The following GARNL3 variants were observed in gnomAD, a reference collection of about 807,000 sequenced individuals.
GARNL3 encodes the protein GTPase-activating Rap/Ran-GAP domain-like protein 3.
Under a neutral mutation model 125.0 loss-of-function variants are expected in GARNL3, and 63 were observed. The observed-to-expected ratio is 0.50, with a 90% CI of 0.41 to 0.62. GARNL3 has a LOEUF of 0.62. Ranked by LOEUF, GARNL3 falls within the 20% of genes least tolerant of loss-of-function variation. The pLI is 0.00. For synonymous variants in GARNL3, 439 were observed against 457.5 expected (o/e 0.96, Z 0.52); for missense variants, 994 against 1,244.0 (o/e 0.80, Z 3.02).
chr9:127,255,396 A>G (rs780759556), intron 2 of GARNL3, among the ~76,000 whole-genome samples: 3 of 152,228 alleles, frequency 2.0e-5, no homozygotes, highest in Non-Finnish European at 2.9e-5. Context: ...TATGCATGGT[A>G]TAGTATTTAC....
intron 13 of GARNL3, among the ~76,000 whole-genome samples, 185 bp from the exon 14 acceptor site, chr9:127,342,034 T>G (rs565740481): frequency 9.2e-5 from 14 of 152,030 alleles, no homozygotes; most frequent in Non-Finnish European, 1.9e-4. Context: ...CTTGACCTTT[T>G]CCTTTTCAGC....
Position 127,346,687 on chromosome 9 carries a change from C to T in GARNL3, c.1431+1210C>T, listed in dbSNP as rs140881160. On this transcript the variant is annotated intron_variant, in intron 16 of 27. Coordinates refer to ENST00000373387, the MANE Select transcript of GARNL3 (RefSeq NM_032293.5). Reference sequence around the variant, plus strand: ...TTGAGGTCAGTACTTATAACCCACCCGCAGGCCGTAGACCACCTCAGAGAA... The same window carrying T: ...TTGAGGTCAGTACTTATAACCCACCTGCAGGCCGTAGACCACCTCAGAGAA... Among the ~76,000 whole-genome samples the T allele has an allele frequency of 4.6e-5, 7 of 152,250 alleles. No individual in the cohort carries two copies. In the East Asian group the frequency reaches 1.4e-3, roughly 29 times the overall value.
chr9:127,311,557 T>C (rs1471417994), intron 2 of GARNL3, 79 bp from the exon 3 acceptor site: 1 of 971,246 alleles, frequency 1.0e-6, no homozygotes, highest in African/African-American at 1.6e-5. Flanking sequence ...TTTCTGGTTC[T>C]TTGGCCGCTG....
At chr9:127,278,255 AATTAAATTTGT>A (rs2064009606) in intron 1 of GARNL3, among the ~76,000 whole-genome samples, 1 of 152,260 alleles carries the variant, frequency 6.6e-6, no homozygotes, top group South Asian at 2.1e-4. Flanking sequence ...TCGATTTAGT[AATTAAATTTGT>A]ATACAAAATG....
intron 2 of GARNL3, among the ~76,000 whole-genome samples, chr9:127,306,776 A>C (rs1009098526): frequency 1.3e-5 from 2 of 150,960 alleles, no homozygotes; most frequent in Non-Finnish European, 3.0e-5. Flanking sequence ...AATCCTATCT[A>C]CTCGGGAGGC....
At chr9:127,300,803 A>G in intron 2 of GARNL3, 1 of 383,534 alleles carries the variant, frequency 2.6e-6, no homozygotes. Context: ...CATTTGGAAA[A>G]TTCTTCTCTA....
intron 2 of GARNL3, among the ~76,000 whole-genome samples, chr9:127,291,826 T>C (rs917917284): frequency 1.3e-5 from 2 of 151,648 alleles, no homozygotes; most frequent in African/African-American, 4.8e-5. Context: ...GCCTTTTTCT[T>C]CTTTGCTGCC....
chr9:127,360,795 C>T (rs1002594462), intron 21 of GARNL3, among the ~76,000 whole-genome samples: 8 of 152,210 alleles, frequency 5.3e-5, no homozygotes, highest in Admixed American at 3.3e-4. Context: ...TAGCCAGGAC[C>T]ACTTGATACC....
At chr9:127,366,627 C>T (rs1831300809) in intron 22 of GARNL3, 1 of 152,030 alleles carries the variant, frequency 6.6e-6, no homozygotes, top group South Asian at 2.1e-4. Context: ...ATCCTTTAAC[C>T]GTGTGAAAGG....
At chr9:127,358,514 G>T (rs1381996968) in intron 21 of GARNL3, among the ~76,000 whole-genome samples, 1 of 151,830 alleles carries the variant, frequency 6.6e-6, no homozygotes, top group African/African-American at 2.4e-5. Flanking sequence ...TGTATTAATT[G>T]TAAATATGCT....
rs1564204893 is a variant in GARNL3, at chr9:127,389,058, C to T, written c.2682C>T (p.Ser894=). 11 of 1,614,074 alleles carry T rather than the reference C, an allele frequency of 6.8e-6. No homozygotes were observed. Among genetic ancestry groups the T allele is most frequent in the Non-Finnish European group, 8.5e-6 (10 of 1,180,018 alleles). ...VGLAAIPVTH[S]LSLSRMEIKE... ...TTGCTGCCATTCCAGTCACGCACTC[C>T]TTGTCCCTGTCTCGCATGGAGATCA... The change falls in exon 26 of 28, where the codon TCC becomes TCT. Residue 894 remains serine, a synonymous_variant. Coordinates refer to ENST00000373387, the MANE Select transcript of GARNL3 (RefSeq NM_032293.5).
intron 2 of GARNL3, among the ~76,000 whole-genome samples, chr9:127,292,147 C>T (rs1406376730): frequency 6.6e-6 from 1 of 152,180 alleles, no homozygotes; most frequent in African/African-American, 2.4e-5. Flanking sequence ...CTTGAAAGCC[C>T]ATGACATTTG....
At chr9:127,262,685 G>A (rs1223000178), upstream of GARNL3, among the ~76,000 whole-genome samples, 1 of 152,258 alleles carries the variant, frequency 6.6e-6, no homozygotes, top group Non-Finnish European at 1.5e-5. Context: ...TAGTGGGGGT[G>A]GCAGTGGGCA....
chr9:127,311,719 A>G lies in GARNL3; in HGVS notation c.303A>G (p.Lys101=). Residue 101 remains lysine (K), a synonymous_variant, in exon 3 of 28, where the codon AAA becomes AAG. Transcript: ENST00000373387. ...NPEYHTRWYF[K]YFLGQVHQNY... ...AATACCACACCAGATGGTATTTCAA[A>G]TATTTTTTAGGACAAGGTAATTATG... 6.2e-7 allele frequency: 1 copy of G among 1,609,720 alleles called. No individual in the cohort carries two copies. Among genetic ancestry groups the G allele is most frequent in the Non-Finnish European group, 8.5e-7 (1 of 1,175,962 alleles).
chr9:127,340,864 C>T (rs979665696), intron 13 of GARNL3, among the ~76,000 whole-genome samples: 1 of 152,026 alleles, frequency 6.6e-6, no homozygotes, highest in African/African-American at 2.4e-5. Context: ...TTCACAGTCC[C>T]AAACATGACT....
intron 2 of GARNL3, among the ~76,000 whole-genome samples, chr9:127,308,082 T>C (rs1262881831): frequency 1.3e-5 from 2 of 152,212 alleles, no homozygotes; most frequent in Admixed American, 6.5e-5. Flanking sequence ...CTGTTGATAA[T>C]GAATCATGCG....
At chr9:127,302,496 T>G (rs2064830527) in intron 2 of GARNL3, among the ~76,000 whole-genome samples, 1 of 152,198 alleles carries the variant, frequency 6.6e-6, no homozygotes, top group Non-Finnish European at 1.5e-5. Flanking sequence ...TAGACACATA[T>G]GTACTACTAC....
chr9:127,354,895 C>T (rs545282759), intron 19 of GARNL3, among the ~76,000 whole-genome samples: 3 of 152,280 alleles, frequency 2.0e-5, no homozygotes, highest in East Asian at 3.9e-4. Context: ...TGGGTTCAAG[C>T]GATTCTCCTG....
At chr9:127,339,365 G>C (rs1829737334) in intron 12 of GARNL3, among the ~76,000 whole-genome samples, 1 of 152,144 alleles carries the variant, frequency 6.6e-6, no homozygotes, top group South Asian at 2.1e-4. Flanking sequence ...CAGAATTATG[G>C]TGGGAGGCAA....
Sources: gnomAD v4.1 joint callset for allele counts (sites outside exome capture counted in the v4.1 genomes callset) on GRCh38, gnomAD v4.1.1 for gene constraint, MANE v1.5 for transcripts, NCBI Gene and HGNC (gene_info 2026-07-23, HGNC 2026-07-21) for gene names.